MIB1: variants seen among roughly 807,000 people sequenced by gnomAD.
MIB1 encodes the protein MIB E3 ubiquitin protein ligase 1.
In MIB1, 278 loss-of-function variants were observed where a neutral mutation model predicts 124.5. The observed-to-expected ratio is 2.23, with a 90% CI of 2.02 to 2.47. The LOEUF (loss-of-function observed/expected upper bound fraction) is 2.47. MIB1 is among the 30% of genes most tolerant of loss of function. The probability of loss-of-function intolerance (pLI) is 0.00; values close to 1 mark genes in which losing one functional copy is unlikely to be tolerated. For synonymous variants in MIB1, 446 were observed against 429.4 expected (o/e 1.04, Z -0.48); for missense variants, 957 against 1,254.4 (o/e 0.76, Z 3.58).
Position 21,847,115 on chromosome 18 carries a change from G to GA in MIB1, c.2388dup (p.Val797SerfsTer14). The GA allele has an allele frequency of 6.2e-7, 1 of 1,613,488 alleles. No homozygotes were observed. The highest frequency in any genetic ancestry group is 8.5e-7 in the Non-Finnish European group (1 of 1,179,740). On this transcript the variant is annotated frameshift_variant, in exon 16 of 21. Transcript: ENST00000261537. LOFTEE classifies it high-confidence loss of function. ...CAAAGCACTGGCAAAGTGTCATAAG[G>GA]AAAAAGTCAGGTTTGTATTATTTAT...
chr18:21,720,250 T>C (rs2040708593), intron 1 of MIB1, among the ~76,000 whole-genome samples: 1 of 152,174 alleles, frequency 6.6e-6, no homozygotes. Flanking sequence ...TAATTATAGG[T>C]CTAGTAAATG....
chr18:21,849,540 G>T, intron 17 of MIB1, 152 bp downstream of exon 17: 1 of 445,446 alleles, frequency 2.2e-6, no homozygotes, highest in Non-Finnish European at 3.9e-6. Context: ...GCATTTATCA[G>T]ATCAGAATTT....
intron 7 of MIB1, 59 bp downstream of exon 7, chr18:21,791,616 A>G (rs1263694890): frequency 1.5e-6 from 2 of 1,340,324 alleles, no homozygotes; most frequent in Non-Finnish European, 2.1e-6. Flanking sequence ...GTCATTTTTA[A>G]AAGTAAATTA....
chr18:21,793,935 A>G (rs2041541845), intron 7 of MIB1: 1 of 152,554 alleles, frequency 6.6e-6, no homozygotes, highest in Non-Finnish European at 1.5e-5. Flanking sequence ...AGGCTGAGGC[A>G]GGAGGATCAC....
chr18:21,773,894 T>G (rs943822336), intron 4 of MIB1, among the ~76,000 whole-genome samples, 166 bp downstream of exon 4: 2 of 152,248 alleles, frequency 1.3e-5, no homozygotes, highest in Non-Finnish European at 2.9e-5. Flanking sequence ...GCCTTTAGTT[T>G]AATGTTTGAG....
chr18:21,835,148 T>C (rs931340860), intron 12 of MIB1, among the ~76,000 whole-genome samples: 1 of 152,240 alleles, frequency 6.6e-6, no homozygotes, highest in African/African-American at 2.4e-5. Context: ...ATATTATGTT[T>C]AGTCTCATGT....
At chr18:21,710,025 A>T (rs1424704694) in intron 1 of MIB1, among the ~76,000 whole-genome samples, 1 of 152,244 alleles carries the variant, frequency 6.6e-6, no homozygotes, top group East Asian at 1.9e-4. Flanking sequence ...TACCTTTGTG[A>T]TGAAGAAACA....
chr18:21,758,724 A>G lies in MIB1; in HGVS notation c.230-7048A>G, dbSNP rs897241794. 3.0e-4 allele frequency among the ~76,000 whole-genome samples: 45 copies of G among 152,190 alleles called. 2 individuals are homozygous for G. The highest frequency in any genetic ancestry group is 3.4e-3 in the Middle Eastern group (1 of 294). On this transcript the variant is annotated intron_variant, in intron 1 of 20. Coordinates refer to ENST00000261537, the MANE Select transcript of MIB1 (RefSeq NM_020774.4). The stretch of plus-strand genomic sequence containing the variant: ...TAATTTTTGTATTTTTAGTAGAGAC[A>G]GGGTTTCACTATGTTGGCCAGACTG...
At chr18:21,762,744 T>C (rs2041112216) in intron 1 of MIB1, among the ~76,000 whole-genome samples, 1 of 152,230 alleles carries the variant, frequency 6.6e-6, no homozygotes, top group Non-Finnish European at 1.5e-5. Flanking sequence ...CAAATTACTT[T>C]AGTTACTTTA....
At chr18:21,731,262 TTTTGTCTA>T (rs1382026471) in intron 1 of MIB1, among the ~76,000 whole-genome samples, 1 of 152,184 alleles carries the variant, frequency 6.6e-6, no homozygotes, top group Non-Finnish European at 1.5e-5. Context: ...GGTACTTTAT[TTTTGTCTA>T]GCTTCTTTCA....
At chr18:21,713,002 T>C (rs890815583) in intron 1 of MIB1, among the ~76,000 whole-genome samples, 1 of 152,176 alleles carries the variant, frequency 6.6e-6, no homozygotes, top group Non-Finnish European at 1.5e-5. Context: ...TCACCCAGAC[T>C]GGGGTGCAAT....
At chr18:21,852,565 C>G (rs1355276215) in intron 17 of MIB1, among the ~76,000 whole-genome samples, 1 of 152,074 alleles carries the variant, frequency 6.6e-6, no homozygotes, top group Admixed American at 6.6e-5. Context: ...TATGAATAGG[C>G]TGTGGAAGTC....
At chr18:21,755,861 G>C (rs1416557785) in intron 1 of MIB1, among the ~76,000 whole-genome samples, 1 of 152,140 alleles carries the variant, frequency 6.6e-6, no homozygotes, top group African/African-American at 2.4e-5. Flanking sequence ...AAGAGTATTT[G>C]GTTTCCTCAG....
At chr18:21,860,910 A>C (rs1474934541) in intron 20 of MIB1, among the ~76,000 whole-genome samples, 3 of 152,112 alleles carry the variant, frequency 2.0e-5, no homozygotes, top group Admixed American at 2.0e-4. Context: ...GTTATGACAC[A>C]TGCCTGGAGT....
chr18:21,732,058 G>T (rs941350048), intron 1 of MIB1, among the ~76,000 whole-genome samples: 1 of 151,644 alleles, frequency 6.6e-6, no homozygotes, highest in African/African-American at 2.4e-5. Flanking sequence ...AGGCGCGGTG[G>T]CTCATGCCTG....
chr18:21,799,235 GA>G (rs2041622377), intron 8 of MIB1, among the ~76,000 whole-genome samples: 3 of 151,874 alleles, frequency 2.0e-5, no homozygotes, highest in Admixed American at 2.0e-4. Flanking sequence ...ATACTATTTA[GA>G]AAAAAATATC....
At chr18:21,828,876 T>A in intron 12 of MIB1, 1 of 306,096 alleles carries the variant, frequency 3.3e-6, no homozygotes. Flanking sequence ...TAACCTTTTT[T>A]TTTTGGTGTT....
At chr18:21,780,920 TA>T (rs1403209221) in intron 6 of MIB1, among the ~76,000 whole-genome samples, 2 of 152,142 alleles carry the variant, frequency 1.3e-5, no homozygotes, top group African/African-American at 4.8e-5. Context: ...GATCATATGG[TA>T]GTTCTGTTTT....
intron 10 of MIB1, among the ~76,000 whole-genome samples, chr18:21,806,139 G>A (rs1401652075): frequency 1.3e-5 from 2 of 151,544 alleles, no homozygotes; most frequent in East Asian, 3.9e-4. Flanking sequence ...CTGACCTCGA[G>A]TGATTTCGCT....
Sources: gnomAD v4.1 joint callset for allele counts (sites outside exome capture counted in the v4.1 genomes callset) on GRCh38, gnomAD v4.1.1 for gene constraint, MANE v1.5 for transcripts, NCBI Gene and HGNC (gene_info 2026-07-23, HGNC 2026-07-21) for gene names.